ARRDC4: variants seen among roughly 807,000 people sequenced by gnomAD.
The protein encoded by ARRDC4 is arrestin domain-containing protein 4.
A neutral mutation model predicts 44.6 loss-of-function variants in ARRDC4; 40 were observed. The ratio of observed to expected loss-of-function variants is 0.90; its 90% CI spans 0.70 to 1.17. The LOEUF (loss-of-function observed/expected upper bound fraction) is 1.17. ARRDC4 is among the 50% of genes most tolerant of loss of function. The pLI is 0.00. For missense variants in ARRDC4, 550 were observed against 559.1 expected (o/e 0.98, Z 0.16); for synonymous variants, 211 against 221.2 (o/e 0.95, Z 0.41).
rs1224714866 is a variant in ARRDC4, at chr15:97,966,465, C to A, written c.522+423C>A. Among the ~76,000 whole-genome samples, 1 of 152,106 alleles carries A rather than the reference C, an allele frequency of 6.6e-6. No homozygotes were observed. The highest frequency in any genetic ancestry group is 1.9e-4 in the East Asian group (1 of 5,188). Reference sequence around the variant, plus strand: ...ATGGAAGAGTATTAATCATGCTCAGCCTGTTATTGAAGCTCAGGCCATTAT... The same window carrying A: ...ATGGAAGAGTATTAATCATGCTCAGACTGTTATTGAAGCTCAGGCCATTAT... On this transcript the variant is annotated intron_variant, in intron 3 of 7. Transcript: ENST00000268042. The surrounding 1 kb of genome is among the most constrained non-coding windows in gnomAD (Gnocchi z 4.7).
intron 1 of ARRDC4, among the ~76,000 whole-genome samples, chr15:97,961,660 T>C (rs1899323809): frequency 6.6e-6 from 1 of 152,046 alleles, no homozygotes; most frequent in South Asian, 2.1e-4. Context: ...GGGGTAGGAG[T>C]TCAAAGGAAG....
rs112100339 is a variant in ARRDC4, at chr15:97,961,092, C to G, written c.231C>G (p.Ala77=). 6.9e-7 allele frequency: 1 copy of G among 1,442,762 alleles called. No homozygotes were observed. Among genetic ancestry groups the G allele is most frequent in the Non-Finnish European group, 9.1e-7 (1 of 1,104,594 alleles). The allele number at this position is 1,442,762 out of a possible 1,614,324, so 89.4% of individuals were successfully genotyped here. A position where few individuals can be genotyped will look rare whatever the true frequency, so the allele number is the denominator to read the frequency against. ...CGAGCACCTGCCCCCGCGCCTCGGC[C>G]AGCACCGCGGCCCTGGCTGTCTTCT... The part of the protein sequence containing the change: ...WGPSTCPRAS[A]STAALAVFSE... Residue 77 remains alanine, a synonymous_variant, in exon 1 of 8, where the codon GCC becomes GCG. Transcript: ENST00000268042.
In ARRDC4 at chr15:97,968,891, T is replaced by C. The variant is rs144887859; in HGVS notation, c.626-232T>C. On this transcript the variant is annotated intron_variant, in intron 4 of 7. Coordinates refer to ENST00000268042, the MANE Select transcript of ARRDC4 (RefSeq NM_183376.3). This position sits in a 1 kb window ranked among gnomAD's most constrained non-coding sequence, Gnocchi z 5.4. ...ATTTACATATCTTTAGAATTGCTAA[T>C]GCAATATTGCTACTTTAGAAAAGTC... Among the ~76,000 whole-genome samples, 20 of 152,340 alleles carry C rather than the reference T, an allele frequency of 1.3e-4. No individual in the cohort carries two copies. Among genetic ancestry groups the C allele is most frequent in the Middle Eastern group, 6.8e-3 (2 of 294 alleles).
At chr15:97,961,194 TC>T (rs1463194446) in intron 1 of ARRDC4, 26 bp downstream of exon 1, 11 of 1,376,184 alleles carry the variant, frequency 8.0e-6, no homozygotes, top group South Asian at 1.7e-5. Flanking sequence ...CGCCTGGGGT[TC>T]CCCCGCCAGG....
intron 1 of ARRDC4, among the ~76,000 whole-genome samples, chr15:97,964,993 T>TACACAC (rs199604833): frequency 2.2e-5 from 3 of 135,992 alleles, no homozygotes; most frequent in African/African-American, 7.0e-5. Flanking sequence ...TTGTGATTTT[T>TACACAC]ACATACACAC....
At position 97,968,051 on chromosome 15, in the gene ARRDC4, G is replaced by T. The variant is rs761380895; in HGVS notation, c.560G>T (p.Cys187Phe). The T allele has an allele frequency of 1.3e-6, 2 of 1,598,796 alleles. No individual in the cohort carries two copies. Among genetic ancestry groups the T allele is most frequent in the Non-Finnish European group, 1.7e-6 (2 of 1,172,380 alleles). Residue 187 changes from cysteine (C) to phenylalanine (F), a missense_variant, in exon 4 of 8, where the codon TGT (cysteine) becomes TTT (phenylalanine). By Grantham distance (205) the Cys-to-Phe change is radical. Coordinates refer to ENST00000268042, the MANE Select transcript of ARRDC4 (RefSeq NM_183376.3). The surrounding 1 kb of genome is among the most constrained non-coding windows in gnomAD (Gnocchi z 5.4). ...AAAACTCAAGAGAAAATGGTTGGCT[G>T]TTGGTTTTTCACTTCTGGTCCAGTC... ...VLKTQEKMVG[C>F]WFFTSGPVSL...
intron 5 of ARRDC4, 26 bp from the exon 6 acceptor site, chr15:97,969,857 T>A: frequency 3.7e-5 from 5 of 133,432 alleles, no homozygotes; most frequent in Non-Finnish European, 5.2e-5. Flanking sequence ...TTCCTTTCTC[T>A]TTTTTTTTTT....
rs1292118489 is a variant in ARRDC4 at position 97,965,962 on chromosome 15, C to G, written c.442C>G (p.Arg148Gly). The change falls in exon 3 of 8, where the codon CGA becomes GGA. Residue 148 changes from arginine to glycine, a missense_variant. Physicochemically the swap from Arg to Gly is moderately radical, Grantham distance 125 (BLOSUM62 -2). Coordinates refer to ENST00000268042, the MANE Select transcript of ARRDC4 (RefSeq NM_183376.3). This position sits in a 1 kb window ranked among gnomAD's most constrained non-coding sequence, Gnocchi z 5.1. ...IQYCVRAVLE[R>G]PKVPDQSVKR... ...GTACTGTGTGCGGGCAGTGTTGGAACGACCCAAGGTACCTGATCAGAGTGT... is the reference window on the plus strand; with the variant it reads ...GTACTGTGTGCGGGCAGTGTTGGAAGGACCCAAGGTACCTGATCAGAGTGT... The G allele has an allele frequency of 1.2e-6, 2 of 1,614,130 alleles. No individual in the cohort carries two copies. The highest frequency in any genetic ancestry group is 1.1e-5 in the South Asian group (1 of 91,086).
At chr15:97,964,683 C>T (rs1899384495) in intron 1 of ARRDC4, among the ~76,000 whole-genome samples, 2 of 152,124 alleles carry the variant, frequency 1.3e-5, no homozygotes, top group South Asian at 2.1e-4. Flanking sequence ...CCTGGCCATG[C>T]TTGGTAAAGC....
Position 97,966,877 on chromosome 15 carries a change from G to A in ARRDC4, c.522+835G>A, listed in dbSNP as rs1899426439. 6.6e-6 allele frequency among the ~76,000 whole-genome samples: 1 copy of A among 152,210 alleles called. No individual in the cohort carries two copies. The highest frequency in any genetic ancestry group is 1.5e-5 in the Non-Finnish European group (1 of 68,038). On this transcript the variant is annotated intron_variant, in intron 3 of 7. Transcript: ENST00000268042. This position sits in a 1 kb window ranked among gnomAD's most constrained non-coding sequence, Gnocchi z 4.7. ...TCCATCACGATACTGATGTGACAAAGATGTATTTTTCATGTTGGAGGTTTT... is the reference window on the plus strand; with the variant it reads ...TCCATCACGATACTGATGTGACAAAAATGTATTTTTCATGTTGGAGGTTTT...
chr15:97,970,480 T>C lies in ARRDC4; in HGVS notation c.1046-109T>C. 8.6e-7 allele frequency: 1 copy of C among 1,158,832 alleles called. No individual in the cohort carries two copies. Among genetic ancestry groups the C allele is most frequent in the South Asian group, 1.6e-5 (1 of 62,244 alleles). The allele number at this position is 1,158,832 out of a possible 1,614,324, so 71.8% of individuals were successfully genotyped here. A position where few individuals can be genotyped will look rare whatever the true frequency, so the allele number is the denominator to read the frequency against. ...AACCTTGCTGATTAGAGGGAAAGAA[T>C]GCCATATTTTTTATCTTCAAGTTTA... is the stretch of plus-strand genomic sequence containing the variant. On this transcript the variant is annotated intron_variant, in intron 6 of 7. Transcript: ENST00000268042. This position sits in a 1 kb window ranked among gnomAD's most constrained non-coding sequence, Gnocchi z 4.2.
chr15:97,961,677 C>G (rs988446997), intron 1 of ARRDC4, among the ~76,000 whole-genome samples: 5 of 152,146 alleles, frequency 3.3e-5, no homozygotes, highest in African/African-American at 1.2e-4. Flanking sequence ...GAAGTGTTTT[C>G]CAGACTTGAT....
At chr15:97,963,692 A>C (rs28758405) in intron 1 of ARRDC4, among the ~76,000 whole-genome samples, 4,302 of 152,286 alleles carry the variant, frequency 0.028, 190 homozygotes, top group African/African-American at 0.097. Context: ...GCTTGTGTAC[A>C]AGCATGTAAT....
At position 97,969,369 on chromosome 15, in the gene ARRDC4, A is replaced by G; in HGVS notation, c.872A>G (p.Tyr291Cys). Residue 291 changes from tyrosine (Y) to cysteine (C), a missense_variant, in exon 5 of 8, where the codon TAT becomes TGT. By Grantham distance (194) the Tyr-to-Cys change is radical. Coordinates refer to ENST00000268042, the MANE Select transcript of ARRDC4 (RefSeq NM_183376.3). Reference protein sequence around the residue: ...ILDCCIIRVDYSLAVYIHIPG... With the variant: ...ILDCCIIRVDCSLAVYIHIPG... ...GATTGCTGCATTATCAGAGTGGACT[A>G]TTCCTTAGCTGTAAGCAAAGCTCTT... 1 of 1,609,598 alleles carries G rather than the reference A, an allele frequency of 6.2e-7. No homozygotes were observed. Among genetic ancestry groups the G allele is most frequent in the Non-Finnish European group, 8.5e-7 (1 of 1,178,982 alleles).
At position 97,971,233 on chromosome 15, in the gene ARRDC4, G is replaced by A. The variant is rs1899509064; in HGVS notation, c.*46G>A. 1.3e-6 allele frequency: 2 copies of A among 1,572,060 alleles called. No homozygotes were observed. Among genetic ancestry groups the A allele is most frequent in the Non-Finnish European group, 1.7e-6 (2 of 1,143,342 alleles). The stretch of plus-strand genomic sequence containing the variant: ...TGTTCATCATCAAATTAGAATGTTG[G>A]TTCTTTTCCTTCTGCCTTTTTGGGA... On this transcript the variant is annotated 3_prime_UTR_variant, in exon 8 of 8. Coordinates refer to ENST00000268042, the MANE Select transcript of ARRDC4 (RefSeq NM_183376.3).
rs1401821245 is a variant in ARRDC4, at chr15:97,965,378, A to G, written c.308-222A>G. ...GAGCCCAGGAGTTCAAGGCCGTAGC[A>G]CTCTGGCCTGGGCAATAGAGCGAGA... On this transcript the variant is annotated intron_variant, in intron 1 of 7. Coordinates refer to ENST00000268042, the MANE Select transcript of ARRDC4 (RefSeq NM_183376.3). The surrounding 1 kb of genome is among the most constrained non-coding windows in gnomAD (Gnocchi z 5.1). Among the ~76,000 whole-genome samples, 5 of 151,524 alleles carry G rather than the reference A, an allele frequency of 3.3e-5. No homozygotes were observed. Among genetic ancestry groups the G allele is most frequent in the African/African-American group, 1.2e-4 (5 of 41,226 alleles).
Position 97,965,856 on chromosome 15 carries a change from A to C in ARRDC4, c.375-39A>C, listed in dbSNP as rs777545528. 6.3e-7 allele frequency: 1 copy of C among 1,597,380 alleles called. No homozygotes were observed. Among genetic ancestry groups the C allele is most frequent in the Admixed American group, 1.8e-5 (1 of 56,692 alleles). On this transcript the variant is annotated intron_variant, in intron 2 of 7. Coordinates refer to ENST00000268042, the MANE Select transcript of ARRDC4 (RefSeq NM_183376.3). The surrounding 1 kb of genome is among the most constrained non-coding windows in gnomAD (Gnocchi z 5.1). ...TGCTTTTTTTGGCTTTGTTTAACTGAAAAGTAAACTCATAATTAATGTCTT... is the reference window on the plus strand; with the variant it reads ...TGCTTTTTTTGGCTTTGTTTAACTGCAAAGTAAACTCATAATTAATGTCTT...
chr15:97,961,215 C>G (rs1567192457), intron 1 of ARRDC4, 47 bp downstream of exon 1: 1 of 1,351,786 alleles, frequency 7.4e-7, no homozygotes, highest in Non-Finnish European at 9.4e-7. Context: ...GCTGCGGGGC[C>G]GGGGAGGGGC....
In ARRDC4 at chr15:97,965,581, A is replaced by T. The variant is rs1899403316; in HGVS notation, c.308-19A>T. 3 of 1,587,850 alleles carry T rather than the reference A, an allele frequency of 1.9e-6. No individual in the cohort carries two copies. Among genetic ancestry groups the T allele is most frequent in the Non-Finnish European group, 1.7e-6 (2 of 1,156,826 alleles). ...AATACTAACTATCCTTCATTAAAAT[A>T]AAATACAATCTCTTATAGGTGAAGG... On this transcript the variant is annotated intron_variant, in intron 1 of 7. Coordinates refer to ENST00000268042, the MANE Select transcript of ARRDC4 (RefSeq NM_183376.3). This position sits in a 1 kb window ranked among gnomAD's most constrained non-coding sequence, Gnocchi z 5.1.
Sources: gnomAD v4.1 joint callset for allele counts (sites outside exome capture counted in the v4.1 genomes callset) on GRCh38, gnomAD v4.1.1 for gene constraint, Gnocchi (gnomAD v3.1) non-coding constraint, MANE v1.5 for transcripts, NCBI Gene and HGNC (gene_info 2026-07-23, HGNC 2026-07-21) for gene names.